The following SLCO1B3 variants were observed in gnomAD, a reference collection of about 807,000 sequenced individuals.
SLCO1B3 encodes liver-specific organic anion transporter 2.
In SLCO1B3, 72 loss-of-function variants were observed where a neutral mutation model predicts 71.8. The ratio of observed to expected loss-of-function variants is 1.00; its 90% CI spans 0.83 to 1.22. The LOEUF (loss-of-function observed/expected upper bound fraction) is 1.22, where lower values mean the gene tolerates loss of function less well. Among genes scored for constraint, SLCO1B3 ranks in the 50% most tolerant of loss-of-function variants. The pLI, the probability that SLCO1B3 is intolerant of heterozygous loss-of-function variation, is 0.00. For synonymous variants in SLCO1B3, 298 were observed against 278.4 expected (o/e 1.07, Z -0.70); for missense variants, 911 against 819.7 (o/e 1.11, Z -1.36).
intron 14 of SLCO1B3, among the ~76,000 whole-genome samples, chr12:20,901,010 T>C (rs906763378): frequency 2.0e-5 from 3 of 152,186 alleles, no homozygotes; most frequent in African/African-American, 7.2e-5. Flanking sequence ...TGAACCAACA[T>C]AACTTTCATG....
intron 13 of SLCO1B3, among the ~76,000 whole-genome samples, chr12:20,895,228 C>A (rs553441626): frequency 1.3e-5 from 2 of 152,238 alleles, no homozygotes; most frequent in South Asian, 4.1e-4. Flanking sequence ...ATTTCAATAC[C>A]AATCATTCTT....
intron 13 of SLCO1B3, among the ~76,000 whole-genome samples, chr12:20,893,141 C>T (rs1865935125): frequency 6.6e-6 from 1 of 151,986 alleles, no homozygotes; most frequent in South Asian, 2.1e-4. Flanking sequence ...AAATTTAAAA[C>T]TTAGGAGGTA....
chr12:20,828,864 C>G (rs1864483602), intron 3 of SLCO1B3, among the ~76,000 whole-genome samples: 1 of 152,152 alleles, frequency 6.6e-6, no homozygotes, highest in South Asian at 2.1e-4. Flanking sequence ...AGGGCAGAAT[C>G]TTAGCTACTG....
At chr12:20,816,503 A>T (rs1482949632) in intron 3 of SLCO1B3, among the ~76,000 whole-genome samples, 1 of 152,176 alleles carries the variant, frequency 6.6e-6, no homozygotes, top group East Asian at 1.9e-4. Flanking sequence ...AATGATCTCC[A>T]GTTCATTTTG....
intron 8 of SLCO1B3, among the ~76,000 whole-genome samples, chr12:20,866,596 T>C (rs1023469527): frequency 2.4e-4 from 36 of 152,040 alleles, no homozygotes; most frequent in African/African-American, 8.2e-4. Context: ...CTCAAAAAAG[T>C]GTCAGTATAA....
chr12:20,900,333 CAAAAT>C (rs751116084), intron 14 of SLCO1B3, among the ~76,000 whole-genome samples: 8 of 151,630 alleles, frequency 5.3e-5, no homozygotes, highest in Non-Finnish European at 7.4e-5. Flanking sequence ...TTTTTTGTGA[CAAAAT>C]AAAATCTGAA....
chr12:20,819,515 T>C (rs1196262830), intron 3 of SLCO1B3, among the ~76,000 whole-genome samples: 1 of 151,976 alleles, frequency 6.6e-6, no homozygotes, highest in Non-Finnish European at 1.5e-5. Flanking sequence ...AACAGAATAA[T>C]GGATTGTGGA....
intron 13 of SLCO1B3, among the ~76,000 whole-genome samples, chr12:20,891,143 A>G (rs898150758): frequency 1.3e-5 from 2 of 152,124 alleles, no homozygotes; most frequent in Admixed American, 6.6e-5. Context: ...GTGTTTCCAT[A>G]ATGATAAGTA....
chr12:20,909,636 T>G (rs67620985), intron 15 of SLCO1B3, among the ~76,000 whole-genome samples: 21,161 of 152,222 alleles, frequency 0.14, 2,058 homozygotes, highest in Middle Eastern at 0.23. Flanking sequence ...TGAAAATATT[T>G]TCTCTCAGTC....
chr12:20,849,711 TCACACACA>T lies in SLCO1B3; in HGVS notation c.85-5290_85-5283del, dbSNP rs146186543. 5.6e-4 allele frequency among the ~76,000 whole-genome samples: 71 copies of T among 126,352 alleles called. 2 individuals are homozygous for T. The highest frequency in any genetic ancestry group is 3.0e-3 in the East Asian group (13 of 4,394). 82.9% of individuals were successfully genotyped at this position (126,352 alleles called of 152,430 possible). A position where few individuals can be genotyped will look rare whatever the true frequency, so the allele number is the denominator to read the frequency against. ...TAAAGAAAAATTACATAGTAGAAAA[TCACACACA>T]CACACACACACACACACACACACAC... is the stretch of plus-strand genomic sequence containing the variant. On this transcript the variant is annotated intron_variant, in intron 3 of 15. Transcript: ENST00000381545.
At chr12:20,820,918 G>A (rs1864289248) in intron 3 of SLCO1B3, among the ~76,000 whole-genome samples, 1 of 152,084 alleles carries the variant, frequency 6.6e-6, no homozygotes, top group Admixed American at 6.6e-5. Flanking sequence ...TAAATTGCTG[G>A]GCAGGTGGGG....
At chr12:20,908,516 C>T (rs1429028008) in intron 15 of SLCO1B3, among the ~76,000 whole-genome samples, 1 of 147,392 alleles carries the variant, frequency 6.8e-6, no homozygotes. Flanking sequence ...CCCTAAAAAT[C>T]TTCTGTGCTC....
chr12:20,830,052 G>A (rs561522067), intron 3 of SLCO1B3, among the ~76,000 whole-genome samples: 2 of 152,164 alleles, frequency 1.3e-5, no homozygotes, highest in South Asian at 2.1e-4. Flanking sequence ...CTTAATTGTC[G>A]GGGACTGCAG....
chr12:20,821,486 A>G (rs1244668859), intron 3 of SLCO1B3, among the ~76,000 whole-genome samples: 1 of 152,158 alleles, frequency 6.6e-6, no homozygotes, highest in East Asian at 1.9e-4. Flanking sequence ...GCAAGCCCAG[A>G]GAAAAGAGTA....
In SLCO1B3 at chr12:20,836,502, GC is replaced by G. The variant is rs1395283594; in HGVS notation, c.85-18524del. Among the ~76,000 whole-genome samples, 54 of 152,094 alleles carry G rather than the reference GC, an allele frequency of 3.6e-4. 1 individual carries two copies. Among genetic ancestry groups the G allele is most frequent in the Non-Finnish European group, 7.4e-5 (5 of 67,994 alleles). On this transcript the variant is annotated intron_variant, in intron 3 of 15. Transcript: ENST00000381545. ...GGATTTTAGTATCAGGGTAATGCTG[GC>G]CTCATGGAATAAGATAGAAAGTATT...
Position 20,875,289 on chromosome 12 carries a change from G to C in SLCO1B3, c.782G>C (p.Gly261Ala), listed in dbSNP as rs1565598108. ...CGTTGGGTTGGAGCTTGGTGGCTTG[G>C]TTTCCTTGTGTCTGGACTATTTTCC... is the stretch of plus-strand genomic sequence containing the variant. Reference protein sequence around the residue: ...DSRWVGAWWLGFLVSGLFSII... With the variant: ...DSRWVGAWWLAFLVSGLFSII... The change falls in exon 9 of 16, where the codon GGT becomes GCT. Residue 261 changes from glycine to alanine, a missense_variant. Transcript: ENST00000381545. 2 of 1,613,218 alleles carry C rather than the reference G, an allele frequency of 1.2e-6. No homozygotes were observed. Among genetic ancestry groups the C allele is most frequent in the Non-Finnish European group, 1.7e-6 (2 of 1,179,566 alleles).
intron 13 of SLCO1B3, among the ~76,000 whole-genome samples, chr12:20,896,670 C>G (rs1240802617): frequency 1.3e-5 from 2 of 152,180 alleles, no homozygotes; most frequent in African/African-American, 2.4e-5. Context: ...GCCCTCCAAA[C>G]TGTTCCAACC....
rs150589682 is a variant in SLCO1B3, at chr12:20,825,229, T to A, written c.84+9407T>A. Among the ~76,000 whole-genome samples the A allele has an allele frequency of 2.0e-5, 3 of 152,288 alleles. No homozygotes were observed. In the East Asian group the frequency reaches 5.8e-4, roughly 29 times the overall value. ...TCCTGATGCTGGTCTTTCATCAAAC[T>A]ATAATATTAATGTGTAATTTATATG... On this transcript the variant is annotated intron_variant, in intron 3 of 15. Coordinates refer to ENST00000381545, the MANE Select transcript of SLCO1B3 (RefSeq NM_019844.4).
At position 20,916,454 on chromosome 12, in the gene SLCO1B3, G is replaced by A; in HGVS notation, c.*207G>A. 1 of 438,236 alleles carries A rather than the reference G, an allele frequency of 2.3e-6. No individual in the cohort carries two copies. 27.1% of individuals were successfully genotyped at this position (438,236 alleles called of 1,614,324 possible). ...TGATCCATAAAAATTTAAAGTGAGA[G>A]GCATGGTTAGTGTGTGATACAATAA... On this transcript the variant is annotated 3_prime_UTR_variant, in exon 16 of 16. Transcript: ENST00000381545.
Sources: allele counts gnomAD v4.1 joint callset (sites outside exome capture counted in the v4.1 genomes callset), GRCh38; gene constraint gnomAD v4.1.1; transcripts MANE v1.5; gene names NCBI Gene and HGNC (gene_info 2026-07-23, HGNC 2026-07-21).